SLC16A1: variants seen among roughly 807,000 people sequenced by gnomAD.
The protein encoded by SLC16A1 is solute carrier family 16 member 1, also known as monocarboxylate transporter 1.
SLC16A1 carries 11 observed loss-of-function variants against 32.2 expected under a neutral mutation model. The ratio of observed to expected loss-of-function variants is 0.34; its 90% CI spans 0.21 to 0.56. The LOEUF (loss-of-function observed/expected upper bound fraction) is 0.56. Ranked by LOEUF, SLC16A1 falls within the 20% of genes least tolerant of loss-of-function variation. The pLI is 0.87. For synonymous variants in SLC16A1, 231 were observed against 226.8 expected (o/e 1.02, Z -0.17); for missense variants, 435 against 615.0 (o/e 0.71, Z 3.10).
intron 3 of SLC16A1, among the ~76,000 whole-genome samples, chr1:112,921,473 A>T (rs1477181212): frequency 6.6e-6 from 1 of 152,106 alleles, no homozygotes; most frequent in African/African-American, 2.4e-5. Context: ...TTTTTGCTCA[A>T]AAAAAGGTGT....
At chr1:112,924,460 AC>A (rs36069670) in intron 2 of SLC16A1, 8,630 of 781,394 alleles carry the variant, frequency 0.011, 68 homozygotes, top group Non-Finnish European at 0.015. Context: ...TTGGACAAAA[AC>A]CTAACAGTAA....
At chr1:112,952,623 T>C (rs1649936274) in intron 1 of SLC16A1, among the ~76,000 whole-genome samples, 1 of 152,318 alleles carries the variant, frequency 6.6e-6, no homozygotes, top group Non-Finnish European at 1.5e-5. Context: ...AAATCATTTG[T>C]AGAATTTGCT....
At chr1:112,928,992 T>A (rs1649031442) in intron 2 of SLC16A1, 100 bp downstream of exon 2, 1 of 836,250 alleles carries the variant, frequency 1.2e-6, no homozygotes, top group Non-Finnish European at 1.9e-6. Context: ...TTTCAAAACA[T>A]CTCACTGAAT....
intron 1 of SLC16A1, among the ~76,000 whole-genome samples, chr1:112,938,150 T>G (rs193194151): frequency 6.8e-4 from 103 of 152,292 alleles, no homozygotes; most frequent in Middle Eastern, 3.4e-3. Flanking sequence ...CAATGACCAG[T>G]TTGTGAACTT....
At chr1:112,920,322 A>T (rs1648675570) in intron 3 of SLC16A1, among the ~76,000 whole-genome samples, 1 of 151,972 alleles carries the variant, frequency 6.6e-6, no homozygotes, top group African/African-American at 2.4e-5. Flanking sequence ...AAAACACAAA[A>T]ATTGGCCAGG....
At chr1:112,948,965 G>A (rs1462415729) in intron 1 of SLC16A1, among the ~76,000 whole-genome samples, 1 of 152,076 alleles carries the variant, frequency 6.6e-6, no homozygotes, top group Non-Finnish European at 1.5e-5. Context: ...CGAGTAGCTG[G>A]GACTACAGGC....
At chr1:112,916,304 A>G (rs1648503020) in intron 4 of SLC16A1, among the ~76,000 whole-genome samples, 1 of 151,546 alleles carries the variant, frequency 6.6e-6, no homozygotes, top group Non-Finnish European at 1.5e-5. Flanking sequence ...GTTCAAGACG[A>G]GCCTGGCCAA....
intron 4 of SLC16A1, among the ~76,000 whole-genome samples, chr1:112,915,711 G>T (rs1648479575): frequency 6.6e-6 from 1 of 152,070 alleles, no homozygotes; most frequent in South Asian, 2.1e-4. Flanking sequence ...AAAATGGGCA[G>T]ATGAGAACAA....
chr1:112,953,831 T>C (rs374963303), intron 1 of SLC16A1, among the ~76,000 whole-genome samples: 13 of 152,204 alleles, frequency 8.5e-5, no homozygotes, highest in African/African-American at 2.7e-4. Flanking sequence ...TCTAGCCAAA[T>C]TGCTTCTATA....
chr1:112,932,159 T>C (rs1649154168), intron 1 of SLC16A1, among the ~76,000 whole-genome samples: 1 of 152,138 alleles, frequency 6.6e-6, no homozygotes, highest in African/African-American at 2.4e-5. Flanking sequence ...TACTCACCAC[T>C]TATACACAAC....
At chr1:112,950,366 T>C (rs955698989) in intron 1 of SLC16A1, among the ~76,000 whole-genome samples, 4 of 152,228 alleles carry the variant, frequency 2.6e-5, no homozygotes, top group Non-Finnish European at 5.9e-5. Flanking sequence ...GTATAGACTT[T>C]CATTCATTCA....
intron 2 of SLC16A1, chr1:112,923,994 A>T (rs878926865): frequency 7.0e-7 from 1 of 1,435,208 alleles, no homozygotes; most frequent in East Asian, 2.3e-5. Flanking sequence ...GGACAAGGAC[A>T]GGAAACAGCC....
chr1:112,926,440 G>T lies in SLC16A1; in HGVS notation c.217+2652C>A, dbSNP rs146914184. On this transcript the variant is annotated intron_variant, in intron 2 of 4. Transcript: ENST00000369626. ...TCTACTAAAAATACAAAAACTAGCT[G>T]GGCGTAGTGGTACACACCTGCAGTC... Among the ~76,000 whole-genome samples, 82 of 152,142 alleles carry T rather than the reference G, an allele frequency of 5.4e-4. 2 individuals are homozygous for T. The East Asian group carries it at 0.015, about 29-fold the overall frequency.
intron 3 of SLC16A1, among the ~76,000 whole-genome samples, chr1:112,919,966 TCTC>T (rs1028382366): frequency 5.3e-5 from 8 of 152,200 alleles, no homozygotes; most frequent in Admixed American, 1.3e-4. Flanking sequence ...GTACTGTTTG[TCTC>T]CTCCTATTAA....
chr1:112,923,360 A>T (rs1171554304), intron 2 of SLC16A1: 4 of 546,874 alleles, frequency 7.3e-6, no homozygotes, highest in Non-Finnish European at 1.0e-5. Context: ...AACTCCAGGG[A>T]GCTGATGCTT....
At chr1:112,930,015 C>T (rs1303246658) in intron 1 of SLC16A1, among the ~76,000 whole-genome samples, 1 of 152,186 alleles carries the variant, frequency 6.6e-6, no homozygotes, top group Non-Finnish European at 1.5e-5. Flanking sequence ...CTGGCTTTCA[C>T]ATGTATCCTT....
At chr1:112,950,635 T>C (rs536041073) in intron 1 of SLC16A1, among the ~76,000 whole-genome samples, 1 of 152,306 alleles carries the variant, frequency 6.6e-6, no homozygotes, top group South Asian at 2.1e-4. Flanking sequence ...GCTCAGCCCA[T>C]GCAGCTGCCT....
intron 1 of SLC16A1, among the ~76,000 whole-genome samples, chr1:112,930,093 A>G (rs1233286463): frequency 6.6e-6 from 1 of 152,140 alleles, no homozygotes; most frequent in East Asian, 1.9e-4. Context: ...GAGCCTTCCT[A>G]GCAAATTAAT....
chr1:112,926,091 T>TA (rs1173845995), intron 2 of SLC16A1, among the ~76,000 whole-genome samples: 6 of 152,232 alleles, frequency 3.9e-5, no homozygotes, highest in Non-Finnish European at 7.3e-5. Flanking sequence ...CCTCAATAAA[T>TA]ACTGGCAGTG....
Sources: gnomAD v4.1 joint callset for allele counts (sites outside exome capture counted in the v4.1 genomes callset) on GRCh38, gnomAD v4.1.1 for gene constraint, MANE v1.5 for transcripts, NCBI Gene and HGNC (gene_info 2026-07-23, HGNC 2026-07-21) for gene names.